The following FMN1 variants were observed in gnomAD, a reference collection of about 807,000 sequenced individuals.
The protein encoded by FMN1 is formin 1.
FMN1 carries 110 observed loss-of-function variants against 132.4 expected under a neutral mutation model. That is an observed-to-expected ratio of 0.83 (90% CI 0.71 to 0.97). The LOEUF (loss-of-function observed/expected upper bound fraction) is 0.97. Ranked by LOEUF, FMN1 falls within the 50% of genes least tolerant of loss-of-function variation. The pLI, the probability that FMN1 is intolerant of heterozygous loss-of-function variation, is 0.00. For missense variants in FMN1, 1,792 were observed against 1,705.3 expected, an observed-to-expected ratio of 1.05 and a Z score of -0.90; for synonymous variants, 722 against 651.7, an observed-to-expected ratio of 1.11 and a Z score of -1.64.
chr15:32,981,336 G>GA (rs1324718191), intron 7 of FMN1, among the ~76,000 whole-genome samples: 2 of 151,474 alleles, frequency 1.3e-5, no homozygotes, highest in East Asian at 3.9e-4. Context: ...CTAAAAATAC[G>GA]AAAAAAATTA....
At chr15:33,189,557 G>C (rs1257875411) in intron 2 of FMN1, among the ~76,000 whole-genome samples, 1 of 152,122 alleles carries the variant, frequency 6.6e-6, no homozygotes, top group Non-Finnish European at 1.5e-5. Flanking sequence ...TTTAAAACAT[G>C]ATAAAGCCAG....
chr15:32,966,297 A>G (rs1217176855), intron 8 of FMN1, among the ~76,000 whole-genome samples: 3 of 152,170 alleles, frequency 2.0e-5, no homozygotes, highest in African/African-American at 4.8e-5. Flanking sequence ...CACCATTTAC[A>G]ACACTATTTC....
At chr15:32,887,620 C>T (rs1284849936) in intron 16 of FMN1, among the ~76,000 whole-genome samples, 1 of 152,090 alleles carries the variant, frequency 6.6e-6, no homozygotes, top group African/African-American at 2.4e-5. Context: ...TGTATGTGTA[C>T]GATATGTATG....
chr15:32,977,687 T>G (rs1197640157), intron 7 of FMN1, among the ~76,000 whole-genome samples: 1 of 152,198 alleles, frequency 6.6e-6, no homozygotes, highest in Non-Finnish European at 1.5e-5. Context: ...TTTCAAAGCT[T>G]CTTTGAACAC....
intron 17 of FMN1, among the ~76,000 whole-genome samples, chr15:32,810,315 A>T (rs1017211494): frequency 6.6e-6 from 1 of 152,214 alleles, no homozygotes; most frequent in Non-Finnish European, 1.5e-5. Context: ...TTGGCACAGA[A>T]ATTTCTAATC....
At chr15:33,016,124 CAAATT>C (rs1225439295) in intron 6 of FMN1, among the ~76,000 whole-genome samples, 1 of 149,808 alleles carries the variant, frequency 6.7e-6, no homozygotes, top group East Asian at 1.9e-4. Context: ...ATTAAAATAA[CAAATT>C]AAATAATAGT....
chr15:32,814,365 T>C (rs2057986200), intron 17 of FMN1, among the ~76,000 whole-genome samples: 1 of 152,230 alleles, frequency 6.6e-6, no homozygotes, highest in Admixed American at 6.5e-5. Context: ...TAATTATACA[T>C]AAATCCTGTT....
At chr15:33,080,970 A>G (rs763459395) in intron 5 of FMN1, among the ~76,000 whole-genome samples, 3 of 152,128 alleles carry the variant, frequency 2.0e-5, no homozygotes, top group Non-Finnish European at 4.4e-5. Flanking sequence ...AGCTTGCTTC[A>G]AGGCTGCAGT....
At chr15:32,958,077 C>A (rs927151202) in intron 9 of FMN1, among the ~76,000 whole-genome samples, 2 of 152,004 alleles carry the variant, frequency 1.3e-5, no homozygotes, top group African/African-American at 4.8e-5. Context: ...AGAAAAACAC[C>A]AGCTCCAAAT....
At chr15:33,165,827 A>C (rs1324695250) in intron 3 of FMN1, among the ~76,000 whole-genome samples, 1 of 152,152 alleles carries the variant, frequency 6.6e-6, no homozygotes, top group Non-Finnish European at 1.5e-5. Context: ...TCAAGGAGGA[A>C]GGTGGGGACC....
chr15:32,826,335 G>A (rs1386049607), intron 17 of FMN1, among the ~76,000 whole-genome samples: 1 of 152,246 alleles, frequency 6.6e-6, no homozygotes, highest in South Asian at 2.1e-4. Context: ...CAGCCTGAGA[G>A]GCTACAGGCC....
intron 10 of FMN1, among the ~76,000 whole-genome samples, chr15:32,921,159 T>G (rs138720981): frequency 6.6e-6 from 1 of 152,286 alleles, no homozygotes; most frequent in East Asian, 1.9e-4. Context: ...TGTATTAGGG[T>G]GGGAGGACCT....
chr15:33,023,831 A>C (rs571166466), intron 6 of FMN1, among the ~76,000 whole-genome samples: 4 of 152,194 alleles, frequency 2.6e-5, no homozygotes, highest in Non-Finnish European at 4.4e-5. Flanking sequence ...TTTGTGGGGG[A>C]GGGATAGACT....
At chr15:32,805,404 C>T (rs930001401) in intron 17 of FMN1, among the ~76,000 whole-genome samples, 5 of 152,058 alleles carry the variant, frequency 3.3e-5, no homozygotes, top group African/African-American at 7.2e-5. Context: ...GATATTAGCC[C>T]TTTGTCAGAT....
At chr15:33,070,230 C>T (rs1390458785) in intron 5 of FMN1, among the ~76,000 whole-genome samples, 1 of 151,620 alleles carries the variant, frequency 6.6e-6, no homozygotes, top group Non-Finnish European at 1.5e-5. Flanking sequence ...GTCTCGAACT[C>T]GTGGCCTCAG....
At chr15:33,155,667 T>A (rs887497874) in intron 3 of FMN1, among the ~76,000 whole-genome samples, 5 of 152,218 alleles carry the variant, frequency 3.3e-5, no homozygotes, top group African/African-American at 1.2e-4. Context: ...GTTTTCTTTT[T>A]TATTTATTTT....
chr15:33,074,697 G>A (rs1186711661), intron 5 of FMN1, among the ~76,000 whole-genome samples: 1 of 152,094 alleles, frequency 6.6e-6, no homozygotes. Flanking sequence ...GATGACCAAG[G>A]AACACGGGCA....
chr15:33,127,945 G>A (rs1454987), intron 4 of FMN1, among the ~76,000 whole-genome samples: 45,372 of 151,894 alleles, frequency 0.3, 7,364 homozygotes, highest in East Asian at 0.64. Context: ...GGCAGCAACA[G>A]GACAGGAGAA....
At chr15:33,080,805 T>C (rs2038423710) in intron 5 of FMN1, among the ~76,000 whole-genome samples, 1 of 151,574 alleles carries the variant, frequency 6.6e-6, no homozygotes, top group Non-Finnish European at 1.5e-5. Flanking sequence ...GAGAATAGAT[T>C]GAACCCAAGA....
Sources: gnomAD v4.1 joint callset for allele counts (sites outside exome capture counted in the v4.1 genomes callset) on GRCh38, gnomAD v4.1.1 for gene constraint, MANE v1.5 for transcripts, NCBI Gene and HGNC (gene_info 2026-07-23, HGNC 2026-07-21) for gene names.